Variants in IL18BP observed in about 807,000 individuals in gnomAD.
The protein encoded by IL18BP is interleukin-18-binding protein.
A neutral mutation model predicts 19.9 loss-of-function variants in IL18BP; 23 were observed. The ratio of observed to expected loss-of-function variants is 1.15; its 90% CI spans 0.83 to 1.64. IL18BP has a LOEUF of 1.64. Ranked by LOEUF, IL18BP falls within the 40% of genes most tolerant of loss-of-function variation. IL18BP has a pLI of 0.00. For synonymous variants in IL18BP, 107 were observed against 101.0 expected (o/e 1.06, Z -0.35); for missense variants, 239 against 240.7 (o/e 0.99, Z 0.05).
rs1955344044 is a variant in IL18BP at position 72,002,777 on chromosome 11, G to A, written c.*916G>A. The A allele has an allele frequency of 1.6e-5, 3 of 184,926 alleles. No homozygotes were observed. The highest frequency in any genetic ancestry group is 1.1e-5 in the Non-Finnish European group (1 of 87,102). 11.5% of individuals were successfully genotyped at this position (184,926 alleles called of 1,614,324 possible). A position where few individuals can be genotyped will look rare whatever the true frequency, so the allele number is the denominator to read the frequency against. ...CAGGAAAAGGGATGAGAGAAAGGAG[G>A]TGGTATGGAAGACTCAGCAGGAACA... On this transcript the variant is annotated 3_prime_UTR_variant, in exon 6 of 6. Transcript: ENST00000393703.
chr11:72,006,379 T>A (rs1007434914), downstream of IL18BP: 48 of 827,528 alleles, frequency 5.8e-5, no homozygotes, highest in Admixed American at 1.2e-3. Flanking sequence ...CCAACTGCTT[T>A]GCAAAGGTCC....
chr11:72,004,406 T>C (rs1342569952), downstream of IL18BP: 3 of 1,455,220 alleles, frequency 2.1e-6, no homozygotes, highest in Non-Finnish European at 2.9e-6. Flanking sequence ...CCAGGTGTCT[T>C]GTCCTCTCAG....
At chr11:72,000,589 G>T in intron 3 of IL18BP, 32 bp downstream of exon 3, 1 of 1,580,474 alleles carries the variant, frequency 6.3e-7, no homozygotes. Flanking sequence ...GGTGGGCTAT[G>T]GGCACAGAGG....
downstream of IL18BP, chr11:72,004,235 G>A (rs763294236): frequency 1.2e-6 from 2 of 1,610,782 alleles, no homozygotes; most frequent in South Asian, 1.1e-5. Context: ...CTGTTTAGTA[G>A]AAGCTGGAGC....
At chr11:72,004,780 TCTC>T (rs777025574), downstream of IL18BP, 33 of 1,595,762 alleles carry the variant, frequency 2.1e-5, no homozygotes, top group Non-Finnish European at 2.5e-5. Context: ...CCAGTTTTCA[TCTC>T]CTCATCTGTG....
rs770420881 is a variant in IL18BP at position 72,001,520 on chromosome 11, G to T, written c.475G>T (p.Val159Phe). ...TGTGCTCGTGGACCCTGAACAGGTT[G>T]TCCAGCGTCACGTCGTCCTGGCCCA... is the stretch of plus-strand genomic sequence containing the variant. ...SCVLVDPEQV[V>F]QRHVVLAQLW... Residue 159 changes from valine (V) to phenylalanine (F), a missense_variant, in exon 5 of 6, where the codon GTC (valine) becomes TTC (phenylalanine). Transcript: ENST00000393703. The T allele has an allele frequency of 6.2e-7, 1 of 1,613,746 alleles. No individual in the cohort carries two copies. The highest frequency in any genetic ancestry group is 1.1e-5 in the South Asian group (1 of 90,996).
rs1281740955 is a variant in IL18BP, at chr11:72,002,729, AAG to A, written c.*871_*872del. The A allele has an allele frequency of 5.6e-6, 1 of 179,180 alleles. No individual in the cohort carries two copies. Among genetic ancestry groups the A allele is most frequent in the Non-Finnish European group, 1.2e-5 (1 of 83,472 alleles). The allele number at this position is 179,180 out of a possible 1,614,324, so 11.1% of individuals were successfully genotyped here. ...GCAGAGGCCACTAATGGAGAGTGGG[AAG>A]AGCCTGGAAAGATGTGGCCTCAGGA... On this transcript the variant is annotated 3_prime_UTR_variant, in exon 6 of 6. Coordinates refer to ENST00000393703, the MANE Select transcript of IL18BP (RefSeq NM_001039660.2).
chr11:72,007,511 C>G, downstream of IL18BP: 1 of 1,545,058 alleles, frequency 6.5e-7, no homozygotes, highest in Non-Finnish European at 8.7e-7. Flanking sequence ...TGAAAGTGAC[C>G]ATTTCCCATC....
chr11:72,007,457 AGGTACAGTC>A (rs1955815366), downstream of IL18BP: 1 of 1,611,918 alleles, frequency 6.2e-7, no homozygotes, highest in East Asian at 2.2e-5. Flanking sequence ...AAACCTGCTG[AGGTACAGTC>A]CTTCACGCTA....
chr11:72,003,640 C>T, downstream of IL18BP: 1 of 1,483,052 alleles, frequency 6.7e-7, no homozygotes, highest in Non-Finnish European at 9.4e-7. Flanking sequence ...CTGTCTGGAT[C>T]CCCTCCCTTG....
chr11:72,004,539 G>A, downstream of IL18BP: 2 of 1,302,012 alleles, frequency 1.5e-6, no homozygotes, highest in Non-Finnish European at 2.1e-6. Flanking sequence ...AAAGAGAGGG[G>A]GAAGTGAGGG....
At chr11:72,003,576 G>GC, downstream of IL18BP, 1 of 1,613,762 alleles carries the variant, frequency 6.2e-7, no homozygotes, top group Non-Finnish European at 8.5e-7. Context: ...ATGAGAACTT[G>GC]CGATACTAGC....
chr11:71,999,709 G>A, intron 1 of IL18BP: 1 of 465,302 alleles, frequency 2.1e-6, no homozygotes, highest in Non-Finnish European at 3.9e-6. Context: ...CTTCCCTAAT[G>A]AAGGGGTAAG....
intron 2 of IL18BP, 103 bp downstream of exon 2, chr11:72,000,115 C>A: frequency 7.9e-7 from 1 of 1,266,218 alleles, no homozygotes; most frequent in Non-Finnish European, 1.1e-6. Context: ...GCAAACCACC[C>A]AGCGCACCTG....
downstream of IL18BP, chr11:72,004,535 A>G (rs192787790): frequency 5.6e-3 from 7,286 of 1,297,842 alleles, 34 homozygotes; most frequent in South Asian, 6.7e-3. Flanking sequence ...AGGGAAAGAG[A>G]GGGGGAAGTG....
chr11:72,006,804 G>A (rs1955748817), downstream of IL18BP, among the ~76,000 whole-genome samples: 1 of 152,212 alleles, frequency 6.6e-6, no homozygotes, highest in African/African-American at 2.4e-5. Context: ...CCTTCAAGAT[G>A]TGGAAACAAA....
At chr11:72,006,098 G>A (rs148430833), downstream of IL18BP, 17 of 1,613,998 alleles carry the variant, frequency 1.1e-5, no homozygotes, top group Admixed American at 1.7e-5. Flanking sequence ...GTGGTGGGGC[G>A]GTAGCCAGGC....
rs28395797 is a variant in IL18BP at position 72,000,030 on chromosome 11, G to A, written c.28+18G>A. Reference sequence around the variant, plus strand: ...GACACCAGGTAGGCCTTGGGGCTACGCATGGGCAGGCGGGGTAGGGTGAGG... The same window carrying A: ...GACACCAGGTAGGCCTTGGGGCTACACATGGGCAGGCGGGGTAGGGTGAGG... On this transcript the variant is annotated intron_variant, in intron 2 of 5. Transcript: ENST00000393703. 2.5e-5 allele frequency: 40 copies of A among 1,613,262 alleles called. No homozygotes were observed. The highest frequency in any genetic ancestry group is 1.2e-4 in the African/African-American group (9 of 74,914).
chr11:72,007,355 T>C (rs746618271), downstream of IL18BP: 8 of 1,613,672 alleles, frequency 5.0e-6, no homozygotes, highest in Admixed American at 8.3e-5. Context: ...GGATTCTACC[T>C]TGGGGGGCAG....
Sources: gnomAD v4.1 joint callset for allele counts (sites outside exome capture counted in the v4.1 genomes callset) on GRCh38, gnomAD v4.1.1 for gene constraint, MANE v1.5 for transcripts, NCBI Gene and HGNC (gene_info 2026-07-23, HGNC 2026-07-21) for gene names.